The following HCN1 variants were observed in gnomAD, a reference collection of about 807,000 sequenced individuals.
HCN1 encodes the protein hyperpolarization activated cyclic nucleotide gated potassium channel 1.
HCN1 carries 13 observed loss-of-function variants against 78.9 expected under a neutral mutation model. That is an observed-to-expected ratio of 0.16 (90% CI 0.11 to 0.26). The LOEUF is 0.26. HCN1 is among the 10% of genes least tolerant of loss of function. HCN1 has a pLI of 1.00. For synonymous variants in HCN1, 552 were observed against 455.5 expected, an observed-to-expected ratio of 1.21 and a Z score of -2.70; for missense variants, 810 against 1,154.3, an observed-to-expected ratio of 0.70 and a Z score of 4.32.
At chr5:45,525,357 G>C (rs1046606119) in intron 2 of HCN1, among the ~76,000 whole-genome samples, 5 of 151,814 alleles carry the variant, frequency 3.3e-5, no homozygotes, top group African/African-American at 1.2e-4. Flanking sequence ...TATTAGACTT[G>C]TAAAAGAAAA....
chr5:45,497,411 C>G (rs966109486), intron 2 of HCN1, among the ~76,000 whole-genome samples: 1 of 152,122 alleles, frequency 6.6e-6, no homozygotes, highest in East Asian at 1.9e-4. Context: ...ATATATTTAG[C>G]ATAGTTAGCT....
chr5:45,619,532 G>A (rs148416990), intron 2 of HCN1, among the ~76,000 whole-genome samples: 27 of 152,062 alleles, frequency 1.8e-4, no homozygotes, highest in African/African-American at 6.5e-4. Context: ...ATGAATCTAC[G>A]CTGATGTAAA....
chr5:45,334,315 A>C (rs551500230), intron 5 of HCN1, among the ~76,000 whole-genome samples: 1 of 151,820 alleles, frequency 6.6e-6, no homozygotes, highest in South Asian at 2.1e-4. Flanking sequence ...TGTTCTTTAC[A>C]TCTTGTATCC....
chr5:45,392,789 G>GA lies in HCN1; in HGVS notation c.1230+3702dup, dbSNP rs58442950. On this transcript the variant is annotated intron_variant, in intron 4 of 7. Coordinates refer to ENST00000303230, the MANE Select transcript of HCN1 (RefSeq NM_021072.4). Reference sequence around the variant, plus strand: ...CAACAGAGCGAGACTCCATCTCAAAGAAAAAAAAAAAAAGCCATCACATAA... The same window carrying GA: ...CAACAGAGCGAGACTCCATCTCAAAGAAAAAAAAAAAAAAGCCATCACATAA... 4.0e-3 allele frequency among the ~76,000 whole-genome samples: 454 copies of GA among 114,886 alleles called. 3 individuals carry two copies. The highest frequency in any genetic ancestry group is 0.016 in the East Asian group (65 of 3,982). 75.4% of individuals were successfully genotyped at this position (114,886 alleles called of 152,430 possible). A position where few individuals can be genotyped will look rare whatever the true frequency, so the allele number is the denominator to read the frequency against.
At chr5:45,441,878 A>G (rs922498287) in intron 3 of HCN1, among the ~76,000 whole-genome samples, 3 of 152,154 alleles carry the variant, frequency 2.0e-5, no homozygotes, top group Non-Finnish European at 4.4e-5. Flanking sequence ...ACTTTAAGAA[A>G]ACCCTTAATG....
intron 2 of HCN1, among the ~76,000 whole-genome samples, chr5:45,573,377 C>A (rs1048384044): frequency 6.6e-6 from 1 of 151,984 alleles, no homozygotes; most frequent in South Asian, 2.1e-4. Flanking sequence ...TTTTCTGCTA[C>A]CAAAATCCCA....
chr5:45,413,824 A>C (rs1303423568), intron 3 of HCN1, among the ~76,000 whole-genome samples: 4 of 152,046 alleles, frequency 2.6e-5, no homozygotes, highest in Non-Finnish European at 5.9e-5. Context: ...TTTCAAAGAC[A>C]ATAATCTACT....
At position 45,399,467 on chromosome 5, in the gene HCN1, G is replaced by A. The variant is rs181415329; in HGVS notation, c.1012-2757C>T. ...GAGCAGAACATTAAACCAAGCACAGGGTTCTTTTGACAGTGAGGGGCTCTG... is the reference window on the plus strand; with the variant it reads ...GAGCAGAACATTAAACCAAGCACAGAGTTCTTTTGACAGTGAGGGGCTCTG... On this transcript the variant is annotated intron_variant, in intron 3 of 7. Coordinates refer to ENST00000303230, the MANE Select transcript of HCN1 (RefSeq NM_021072.4). Among the ~76,000 whole-genome samples, 48 of 152,274 alleles carry A rather than the reference G, an allele frequency of 3.2e-4. 1 individual carries two copies. The East Asian group carries it at 7.1e-3, about 23-fold the overall frequency.
intron 2 of HCN1, among the ~76,000 whole-genome samples, chr5:45,625,171 C>T (rs7720013): frequency 2.0e-5 from 3 of 151,936 alleles, no homozygotes; most frequent in Non-Finnish European, 4.4e-5. Context: ...GGTATGGTGG[C>T]AGGCACCTGT....
At chr5:45,405,835 T>C (rs1473780052) in intron 3 of HCN1, among the ~76,000 whole-genome samples, 1 of 152,192 alleles carries the variant, frequency 6.6e-6, no homozygotes, top group Non-Finnish European at 1.5e-5. Context: ...CATAACTAAA[T>C]TGCTGTTGCC....
intron 1 of HCN1, among the ~76,000 whole-genome samples, chr5:45,665,473 G>A (rs982802507): frequency 6.9e-6 from 1 of 145,136 alleles, no homozygotes; most frequent in African/African-American, 2.5e-5. Flanking sequence ...AAAAAGATAT[G>A]GCTTTTACCT....
At chr5:45,453,595 G>A (rs1166550494) in intron 3 of HCN1, among the ~76,000 whole-genome samples, 1 of 152,006 alleles carries the variant, frequency 6.6e-6, no homozygotes, top group Non-Finnish European at 1.5e-5. Context: ...AGTTGTCTGG[G>A]GCTCATGAAG....
chr5:45,615,361 G>T (rs1744922335), intron 2 of HCN1, among the ~76,000 whole-genome samples: 1 of 152,010 alleles, frequency 6.6e-6, no homozygotes, highest in South Asian at 2.1e-4. Context: ...TATAGGTTTT[G>T]CTCTGGACAT....
chr5:45,547,865 T>A lies in HCN1; in HGVS notation c.850-85858A>T, dbSNP rs917691325. ...CCTTTCAGACTGATATTAATCCTTT[T>A]ACGCAGAGATTATATTGATATGTTA... On this transcript the variant is annotated intron_variant, in intron 2 of 7. Transcript: ENST00000303230. 2.0e-5 allele frequency among the ~76,000 whole-genome samples: 3 copies of A among 151,984 alleles called. No homozygotes were observed. In the East Asian group the frequency reaches 5.8e-4, roughly 29 times the overall value.
At chr5:45,400,486 C>T (rs1739771927) in intron 3 of HCN1, among the ~76,000 whole-genome samples, 1 of 149,204 alleles carries the variant, frequency 6.7e-6, no homozygotes, top group African/African-American at 2.5e-5. Context: ...GCAACCTCTG[C>T]CTCCTGGGTT....
intron 2 of HCN1, among the ~76,000 whole-genome samples, chr5:45,581,436 G>C (rs565238504): frequency 6.6e-6 from 1 of 152,232 alleles, no homozygotes; most frequent in South Asian, 2.1e-4. Context: ...TGTCAGATGA[G>C]TAGATTGTAA....
At chr5:45,510,404 T>A (rs1214729035) in intron 2 of HCN1, among the ~76,000 whole-genome samples, 1 of 152,070 alleles carries the variant, frequency 6.6e-6, no homozygotes, top group Non-Finnish European at 1.5e-5. Context: ...TCAATAGGGC[T>A]GGGGCTTGTT....
At chr5:45,631,105 G>A (rs1200317346) in intron 2 of HCN1, among the ~76,000 whole-genome samples, 3 of 152,072 alleles carry the variant, frequency 2.0e-5, no homozygotes, top group Non-Finnish European at 4.4e-5. Flanking sequence ...ATTTTATTTT[G>A]AACAGTTACA....
chr5:45,504,526 T>G (rs927942931), intron 2 of HCN1, among the ~76,000 whole-genome samples: 2 of 152,184 alleles, frequency 1.3e-5, no homozygotes, highest in Non-Finnish European at 2.9e-5. Flanking sequence ...TGGTGCCAAG[T>G]CTTTGCTACT....
Sources: gnomAD v4.1 joint callset for allele counts (sites outside exome capture counted in the v4.1 genomes callset) on GRCh38, gnomAD v4.1.1 for gene constraint, MANE v1.5 for transcripts, NCBI Gene and HGNC (gene_info 2026-07-23, HGNC 2026-07-21) for gene names.